ELAPOR1: variants seen among roughly 807,000 people sequenced by gnomAD.
ELAPOR1 encodes endosome-lysosome associated apoptosis and autophagy regulator 1.
In ELAPOR1, 77 loss-of-function variants were observed where a neutral mutation model predicts 119.7. The observed-to-expected ratio is 0.64, with a 90% CI of 0.54 to 0.78. The LOEUF (loss-of-function observed/expected upper bound fraction) is 0.78, where lower values mean the gene tolerates loss of function less well. Among genes scored for constraint, ELAPOR1 ranks in the 30% least tolerant of loss-of-function variants. The pLI is 0.00. For synonymous variants in ELAPOR1, 481 were observed against 487.2 expected (o/e 0.99, Z 0.17); for missense variants, 1,115 against 1,270.4 (o/e 0.88, Z 1.86).
At chr1:109,178,158 T>C (rs60964544) in intron 7 of ELAPOR1, among the ~76,000 whole-genome samples, 71,135 of 151,668 alleles carry the variant, frequency 0.47, 17,849 homozygotes, top group African/African-American at 0.66. Flanking sequence ...TACAGGTGCC[T>C]GCCACTATGC....
chr1:109,177,587 G>T (rs1226594966), intron 7 of ELAPOR1, among the ~76,000 whole-genome samples: 1 of 150,896 alleles, frequency 6.6e-6, no homozygotes, highest in Non-Finnish European at 1.5e-5. Flanking sequence ...GGCCAAGGCA[G>T]GCTGCTGGGA....
In ELAPOR1 at chr1:109,206,695, C is replaced by T. The variant is rs1412638854; in HGVS notation, c.*3683C>T. The T allele has an allele frequency of 6.6e-6, 1 of 151,696 alleles. No individual in the cohort carries two copies. Among genetic ancestry groups the T allele is most frequent in the Admixed American group, 6.6e-5 (1 of 15,242 alleles). 9.4% of individuals were successfully genotyped at this position (151,696 alleles called of 1,614,324 possible). On this transcript the variant is annotated 3_prime_UTR_variant, in exon 22 of 22. Coordinates refer to ENST00000369939, the MANE Select transcript of ELAPOR1 (RefSeq NM_020775.5). The stretch of plus-strand genomic sequence containing the variant: ...AGGGCTGGTTGGATTTCCTTTTTAC[C>T]CTGTAATCCAAGCGTTAATAGTTTG...
At chr1:109,159,842 T>G (rs1237020929) in intron 1 of ELAPOR1, among the ~76,000 whole-genome samples, 1 of 152,200 alleles carries the variant, frequency 6.6e-6, no homozygotes, top group Non-Finnish European at 1.5e-5. Flanking sequence ...ATGAATATGT[T>G]CAGAAGCACC....
chr1:109,116,680 C>CTTTTTTTTTTTTTT (rs71069649), intron 1 of ELAPOR1, among the ~76,000 whole-genome samples: 2 of 96,868 alleles, frequency 2.1e-5, no homozygotes, highest in Non-Finnish European at 2.2e-5. Flanking sequence ...CTTCTCTGTT[C>CTTTTTTTTTTTTTT]TTTTTTTTTT....
intron 1 of ELAPOR1, among the ~76,000 whole-genome samples, chr1:109,153,616 GT>G (rs1650670272): frequency 8.1e-5 from 12 of 148,474 alleles, no homozygotes; most frequent in East Asian, 2.0e-4. Context: ...CTTGTGGCAG[GT>G]GTTTTGTTTT....
At chr1:109,168,192 C>A (rs1336151344) in intron 3 of ELAPOR1, among the ~76,000 whole-genome samples, 1 of 152,168 alleles carries the variant, frequency 6.6e-6, no homozygotes, top group Non-Finnish European at 1.5e-5. Flanking sequence ...CCTCAGGTCT[C>A]TACCTAAAAA....
chr1:109,185,274 C>T, intron 8 of ELAPOR1, 141 bp downstream of exon 8: 6 of 661,544 alleles, frequency 9.1e-6, no homozygotes, highest in Middle Eastern at 4.1e-4. Flanking sequence ...GACCCTAGGG[C>T]TAGGTGGGGT....
chr1:109,129,666 G>A (rs1461356882), intron 1 of ELAPOR1, among the ~76,000 whole-genome samples: 1 of 152,180 alleles, frequency 6.6e-6, no homozygotes, highest in African/African-American at 2.4e-5. Flanking sequence ...AGTGGACAGA[G>A]CGCAGCCTCT....
At chr1:109,183,605 C>CCTCCCTCCTTCCTTCCTTCT in intron 7 of ELAPOR1, among the ~76,000 whole-genome samples, 1 of 109,130 alleles carries the variant, frequency 9.2e-6, no homozygotes, top group South Asian at 3.4e-4. Flanking sequence ...TCCTTCCTTC[C>CCTCCCTCCTTCCTTCCTTCT]TTCCATCCTT....
At chr1:109,169,765 A>T (rs1651815484) in intron 3 of ELAPOR1, among the ~76,000 whole-genome samples, 1 of 152,196 alleles carries the variant, frequency 6.6e-6, no homozygotes, top group South Asian at 2.1e-4. Context: ...TTGAGGTCTG[A>T]CAGTTTCAAA....
intron 1 of ELAPOR1, among the ~76,000 whole-genome samples, chr1:109,119,146 C>T (rs1296704729): frequency 6.6e-6 from 1 of 152,046 alleles, no homozygotes; most frequent in East Asian, 1.9e-4. Flanking sequence ...ATCTGCCCGC[C>T]TCGGCCTCCC....
chr1:109,174,054 C>T (rs1652091960), intron 7 of ELAPOR1, among the ~76,000 whole-genome samples: 1 of 150,874 alleles, frequency 6.6e-6, no homozygotes, highest in East Asian at 2.0e-4. Context: ...ACTTTATCAC[C>T]CAGGCTGAAG....
intron 1 of ELAPOR1, among the ~76,000 whole-genome samples, chr1:109,128,495 T>C (rs1054450204): frequency 6.6e-6 from 1 of 152,178 alleles, no homozygotes; most frequent in African/African-American, 2.4e-5. Flanking sequence ...CACCTAGATA[T>C]AAAACTGTAA....
chr1:109,159,689 G>C (rs1477641113), intron 1 of ELAPOR1, among the ~76,000 whole-genome samples: 1 of 152,138 alleles, frequency 6.6e-6, no homozygotes, highest in Non-Finnish European at 1.5e-5. Context: ...CATGACTTTG[G>C]ACAAGCTATC....
intron 1 of ELAPOR1, among the ~76,000 whole-genome samples, chr1:109,149,158 A>G (rs758311777): frequency 9.2e-5 from 14 of 152,182 alleles, no homozygotes; most frequent in Non-Finnish European, 1.6e-4. Context: ...GGCAGGCAGT[A>G]AACATGACAG....
intron 1 of ELAPOR1, 32 bp downstream of exon 1, chr1:109,114,368 G>A: frequency 6.5e-7 from 1 of 1,537,682 alleles, no homozygotes. Flanking sequence ...ATCCCGCTTT[G>A]GTCACAAAAG....
chr1:109,201,816 A>AT (rs980979055), intron 21 of ELAPOR1, among the ~76,000 whole-genome samples: 1 of 152,094 alleles, frequency 6.6e-6, no homozygotes, highest in African/African-American at 2.4e-5. Flanking sequence ...AAAGCAGGGG[A>AT]TTTTTAAGAT....
intron 1 of ELAPOR1, among the ~76,000 whole-genome samples, chr1:109,150,736 G>A (rs1650484337): frequency 6.6e-6 from 1 of 152,166 alleles, no homozygotes; most frequent in African/African-American, 2.4e-5. Context: ...ATTAATGGGG[G>A]ACTCTCTACT....
At chr1:109,197,894 T>G (rs1384245532) in intron 16 of ELAPOR1, 85 bp from the exon 17 acceptor site, 12 of 1,212,554 alleles carry the variant, frequency 9.9e-6, no homozygotes. Context: ...GAAGTGAGGT[T>G]GGATGTTGAC....
Sources: gnomAD v4.1 joint callset for allele counts (sites outside exome capture counted in the v4.1 genomes callset) on GRCh38, gnomAD v4.1.1 for gene constraint, MANE v1.5 for transcripts, NCBI Gene and HGNC (gene_info 2026-07-23, HGNC 2026-07-21) for gene names.